PLOD2: variants seen among roughly 807,000 people sequenced by gnomAD.
The protein encoded by PLOD2 is procollagen-lysine,2-oxoglutarate 5-dioxygenase 2.
Under a neutral mutation model 101.0 loss-of-function variants are expected in PLOD2, and 65 were observed. That is an observed-to-expected ratio of 0.64 (90% CI 0.53 to 0.79). The LOEUF is 0.79. Ranked by LOEUF, PLOD2 falls within the 30% of genes least tolerant of loss-of-function variation. The probability of loss-of-function intolerance (pLI) is 0.00; values close to 1 mark genes in which losing one functional copy is unlikely to be tolerated. For missense variants in PLOD2, 909 were observed against 914.6 expected (o/e 0.99, Z 0.08); for synonymous variants, 314 against 302.9 (o/e 1.04, Z -0.38).
intron 1 of PLOD2, among the ~76,000 whole-genome samples, chr3:146,132,989 T>TAAC (rs1324074896): frequency 3.9e-5 from 6 of 151,952 alleles, no homozygotes; most frequent in Non-Finnish European, 8.8e-5. Context: ...CCATCCTGGC[T>TAAC]ATGGTGAAAC....
chr3:146,144,300 ATC>A (rs1466011561), intron 1 of PLOD2, among the ~76,000 whole-genome samples: 1 of 152,176 alleles, frequency 6.6e-6, no homozygotes, highest in Non-Finnish European at 1.5e-5. Flanking sequence ...AAGTAAATAA[ATC>A]ACTATAAATT....
chr3:146,077,557 C>T, intron 14 of PLOD2: 1 of 262,090 alleles, frequency 3.8e-6, no homozygotes, highest in East Asian at 7.9e-5. Context: ...TTTATACCTA[C>T]TTCTACCCTC....
Position 146,092,835 on chromosome 3 carries a change from G to A in PLOD2, c.778-934C>T, listed in dbSNP as rs148986100. 5.3e-3 allele frequency among the ~76,000 whole-genome samples: 800 copies of A among 152,180 alleles called. 7 individuals are homozygous for A. Among genetic ancestry groups the A allele is most frequent in the African/African-American group, 0.018 (729 of 41,542 alleles). On this transcript the variant is annotated intron_variant, in intron 7 of 19. Coordinates refer to ENST00000282903, the MANE Select transcript of PLOD2 (RefSeq NM_182943.3). The stretch of plus-strand genomic sequence containing the variant: ...AGATCCTGCTGAGTAAACAGCAAGT[G>A]AAATTACTACATCTTCTGCAATTTT...
At chr3:146,079,370 T>C (rs913573545) in intron 12 of PLOD2, 113 bp from the exon 13 acceptor site, 2 of 744,476 alleles carry the variant, frequency 2.7e-6, no homozygotes, top group Non-Finnish European at 4.6e-6. Context: ...ACATAAATTA[T>C]TGAATCAACA....
intron 7 of PLOD2, 33 bp from the exon 8 acceptor site, chr3:146,091,934 G>C (rs773312675): frequency 2.7e-6 from 3 of 1,108,508 alleles, no homozygotes; most frequent in Non-Finnish European, 2.8e-6. Context: ...ATTAATGAAA[G>C]CAGGCCTCTC....
chr3:146,134,419 C>G (rs2031109797), intron 1 of PLOD2, among the ~76,000 whole-genome samples: 1 of 151,888 alleles, frequency 6.6e-6, no homozygotes, highest in Admixed American at 6.6e-5. Flanking sequence ...ATGGATCTGC[C>G]CCTTCACAAA....
rs755799423 is a variant in PLOD2 at position 146,076,784 on chromosome 3, C to T, written c.1675G>A (p.Val559Met). Residue 559 changes from valine (V) to methionine (M), a missense_variant and splice_region_variant, in exon 15 of 20, where the codon GTG becomes ATG. Coordinates refer to ENST00000282903, the MANE Select transcript of PLOD2 (RefSeq NM_182943.3). Reference protein sequence around the residue: ...NDLWQIFENPVDWKEKYINRD... With the variant: ...NDLWQIFENPMDWKEKYINRD... The stretch of plus-strand genomic sequence containing the variant: ...AAAGTTGAGTATGAAATACATACCA[C>T]AGGATTTTCAAAAATCTGCCAGAGG... 3 of 1,405,192 alleles carry T rather than the reference C, an allele frequency of 2.1e-6. No individual in the cohort carries two copies. The highest frequency in any genetic ancestry group is 3.0e-6 in the Non-Finnish European group (3 of 991,626). The allele number at this position is 1,405,192 out of a possible 1,614,324, so 87.0% of individuals were successfully genotyped here.
chr3:146,151,142 T>C (rs946468746), intron 1 of PLOD2, among the ~76,000 whole-genome samples: 2 of 152,216 alleles, frequency 1.3e-5, no homozygotes, highest in Non-Finnish European at 2.9e-5. Context: ...GTAAGTTTTC[T>C]TGAGACCTCT....
chr3:146,107,622 A>ATTT lies in PLOD2; in HGVS notation c.503-981_503-979dup, dbSNP rs71158215. 6.8e-4 allele frequency among the ~76,000 whole-genome samples: 47 copies of ATTT among 68,920 alleles called. 1 individual carries two copies. The highest frequency in any genetic ancestry group is 2.7e-3 in the African/African-American group (47 of 17,188). The allele number at this position is 68,920 out of a possible 152,430, so 45.2% of individuals were successfully genotyped here. A position where few individuals can be genotyped will look rare whatever the true frequency, so the allele number is the denominator to read the frequency against. ...TCATTTTTTGGTTCTTGCCATATAAATTTTTTTTTTTTTTTTTTTTTTTTT... is the reference window on the plus strand; with the variant it reads ...TCATTTTTTGGTTCTTGCCATATAAATTTTTTTTTTTTTTTTTTTTTTTTTTTT... On this transcript the variant is annotated intron_variant, in intron 4 of 19. Coordinates refer to ENST00000282903, the MANE Select transcript of PLOD2 (RefSeq NM_182943.3).
intron 1 of PLOD2, among the ~76,000 whole-genome samples, chr3:146,154,400 G>A (rs1213649955): frequency 2.0e-5 from 3 of 151,726 alleles, no homozygotes; most frequent in South Asian, 2.1e-4. Context: ...TGCCTGGGGA[G>A]TATCCCCATC....
At chr3:146,111,030 C>T (rs1307469732) in intron 3 of PLOD2, among the ~76,000 whole-genome samples, 1 of 84,976 alleles carries the variant, frequency 1.2e-5, no homozygotes, top group Non-Finnish European at 2.5e-5. Flanking sequence ...AAAACTGACA[C>T]TATAATTTAA....
intron 1 of PLOD2, among the ~76,000 whole-genome samples, chr3:146,128,880 CTTTTTTTTTTTTTTTTTT>C (rs3975816): frequency 6.8e-5 from 5 of 73,182 alleles, no homozygotes; most frequent in South Asian, 7.6e-4. Flanking sequence ...ATCTGAAATC[CTTTTTTTTTTTTTTTTTT>C]TTTTTTTTTT....
At chr3:146,150,199 G>A (rs888631825) in intron 1 of PLOD2, among the ~76,000 whole-genome samples, 21 of 152,106 alleles carry the variant, frequency 1.4e-4, no homozygotes, top group African/African-American at 4.8e-4. Flanking sequence ...TAAATACTTT[G>A]CTCCCACAAA....
At chr3:146,087,486 T>C (rs918738915) in intron 9 of PLOD2, among the ~76,000 whole-genome samples, 3 of 151,834 alleles carry the variant, frequency 2.0e-5, no homozygotes, top group Non-Finnish European at 4.4e-5. Context: ...GGGAAAACCA[T>C]CAACATAAAG....
At chr3:146,109,443 G>GCAAACC (rs1937588986) in intron 4 of PLOD2, among the ~76,000 whole-genome samples, 1 of 152,180 alleles carries the variant, frequency 6.6e-6, no homozygotes, top group Admixed American at 6.5e-5. Context: ...TAGTGGCTAA[G>GCAAACC]CAAAGCCTAG....
At chr3:146,148,367 C>CA (rs906136194) in intron 1 of PLOD2, among the ~76,000 whole-genome samples, 2 of 151,698 alleles carry the variant, frequency 1.3e-5, no homozygotes, top group Non-Finnish European at 2.9e-5. Flanking sequence ...CACACACACA[C>CA]ACTTTTCACT....
chr3:146,089,495 A>C (rs909243441), intron 8 of PLOD2, among the ~76,000 whole-genome samples: 5 of 151,642 alleles, frequency 3.3e-5, no homozygotes, highest in African/African-American at 4.8e-5. Context: ...AAATCTATGG[A>C]AGACTTGTTT....
At position 146,119,454 on chromosome 3, in the gene PLOD2, T is replaced by A. The variant is rs532770216; in HGVS notation, c.338+1658A>T. Among the ~76,000 whole-genome samples, 126 of 152,022 alleles carry A rather than the reference T, an allele frequency of 8.3e-4. 2 individuals are homozygous for A. The highest frequency in any genetic ancestry group is 1.6e-4 in the Non-Finnish European group (11 of 67,948). ...ATATCTACTTTTGCCTCTTTTTTTTTATTATACTTTAAGTTTTAGGGTACA... is the reference window on the plus strand; with the variant it reads ...ATATCTACTTTTGCCTCTTTTTTTTAATTATACTTTAAGTTTTAGGGTACA... On this transcript the variant is annotated intron_variant, in intron 3 of 19. Coordinates refer to ENST00000282903, the MANE Select transcript of PLOD2 (RefSeq NM_182943.3).
intron 9 of PLOD2, among the ~76,000 whole-genome samples, chr3:146,088,200 A>G (rs1339930068): frequency 1.3e-5 from 2 of 151,822 alleles, no homozygotes. Flanking sequence ...AAACTGTTTC[A>G]AGTTCTTATA....
Sources: allele counts gnomAD v4.1 joint callset (sites outside exome capture counted in the v4.1 genomes callset), GRCh38; gene constraint gnomAD v4.1.1; transcripts MANE v1.5; gene names NCBI Gene and HGNC (gene_info 2026-07-23, HGNC 2026-07-21).